Variants in PPP1CC observed in about 807,000 individuals in gnomAD.
PPP1CC encodes protein phosphatase 1 catalytic subunit gamma, also known as serine/threonine-protein phosphatase PP1-gamma catalytic subunit.
Under a neutral mutation model 38.4 loss-of-function variants are expected in PPP1CC, and 16 were observed. That is an observed-to-expected ratio of 0.42 (90% CI 0.28 to 0.63). PPP1CC has a LOEUF of 0.63. Among genes scored for constraint, PPP1CC ranks in the 30% least tolerant of loss-of-function variants. The pLI is 0.25. For synonymous variants in PPP1CC, 158 were observed against 136.0 expected (o/e 1.16, Z -1.13); for missense variants, 170 against 391.3 (o/e 0.43, Z 4.77).
downstream of PPP1CC, among the ~76,000 whole-genome samples, chr12:110,716,896 G>T (rs913284875): frequency 3.3e-5 from 5 of 152,208 alleles, no homozygotes; most frequent in Non-Finnish European, 5.9e-5. Context: ...CACTAATTCA[G>T]GGATGCACTA....
intron 4 of PPP1CC, among the ~76,000 whole-genome samples, chr12:110,723,817 A>T (rs2069765525): frequency 6.6e-6 from 1 of 152,194 alleles, no homozygotes; most frequent in South Asian, 2.1e-4. Flanking sequence ...GGCCAAAATA[A>T]CTTTTAAAAT....
chr12:110,731,962 T>A lies in PPP1CC; in HGVS notation c.56-61A>T, dbSNP rs571486128. 1.1e-5 allele frequency: 17 copies of A among 1,571,938 alleles called. No homozygotes were observed. The South Asian group carries it at 2.0e-4, about 18-fold the overall frequency. On this transcript the variant is annotated intron_variant, in intron 1 of 6. Coordinates refer to ENST00000335007, the MANE Select transcript of PPP1CC (RefSeq NM_002710.4). Reference sequence around the variant, plus strand: ...CAAAATACAAAATACAATACGAGATTTAGATAAAGGGGCAAAAACATGGTT... The same window carrying A: ...CAAAATACAAAATACAATACGAGATATAGATAAAGGGGCAAAAACATGGTT...
chr12:110,723,331 T>C (rs886341561), intron 4 of PPP1CC, among the ~76,000 whole-genome samples: 3 of 151,738 alleles, frequency 2.0e-5, no homozygotes, highest in Admixed American at 6.6e-5. Flanking sequence ...TTAAAAACCA[T>C]GTATCCAACT....
chr12:110,717,354 T>G (rs1025874628), downstream of PPP1CC, among the ~76,000 whole-genome samples: 1 of 152,174 alleles, frequency 6.6e-6, no homozygotes, highest in African/African-American at 2.4e-5. Context: ...GGTTGAGTTT[T>G]GGGTCTTTTC....
downstream of PPP1CC, among the ~76,000 whole-genome samples, chr12:110,718,911 TTAA>T (rs2069708850): frequency 6.6e-6 from 1 of 152,092 alleles, no homozygotes; most frequent in Non-Finnish European, 1.5e-5. Context: ...CCAATGTTCC[TTAA>T]GAAAAATTTG....
chr12:110,737,027 T>G (rs1371985131), intron 1 of PPP1CC, among the ~76,000 whole-genome samples: 1 of 152,242 alleles, frequency 6.6e-6, no homozygotes, highest in Non-Finnish European at 1.5e-5. Context: ...CCACATCATA[T>G]TCATTTCAGT....
chr12:110,717,978 C>T (rs191613300), downstream of PPP1CC, among the ~76,000 whole-genome samples: 15 of 152,264 alleles, frequency 9.9e-5, no homozygotes, highest in Non-Finnish European at 1.0e-4. Flanking sequence ...CTTCACTTCC[C>T]AGCAAACTGA....
intron 6 of PPP1CC, 161 bp from the exon 7 acceptor site, chr12:110,721,326 A>G (rs1167793140): frequency 7.1e-6 from 4 of 567,176 alleles, no homozygotes; most frequent in African/African-American, 1.9e-5. Flanking sequence ...TTGAATGTAA[A>G]CATTTGGTAA....
chr12:110,723,132 T>G (rs1275627489), intron 4 of PPP1CC, among the ~76,000 whole-genome samples: 1 of 152,248 alleles, frequency 6.6e-6, no homozygotes, highest in African/African-American at 2.4e-5. Flanking sequence ...CATTAAAATC[T>G]ACAAGAGCTT....
chr12:110,709,968 T>C, the PPP1CC span, among the ~76,000 whole-genome samples: 4 of 139,676 alleles, frequency 2.9e-5, no homozygotes, highest in Non-Finnish European at 6.2e-5. Context: ...ATAATAATAA[T>C]AATAATAAAG....
the PPP1CC span, among the ~76,000 whole-genome samples, chr12:110,714,231 T>C: frequency 6.6e-6 from 1 of 152,112 alleles, no homozygotes; most frequent in African/African-American, 2.4e-5. Context: ...AATGAGTAAT[T>C]TGCACTGCAG....
At chr12:110,721,309 A>G in intron 6 of PPP1CC, 144 bp from the exon 7 acceptor site, 1 of 602,842 alleles carries the variant, frequency 1.7e-6, no homozygotes, top group South Asian at 2.0e-5. Context: ...TATTAACACA[A>G]GCTATGTTGA....
chr12:110,735,916 T>C (rs2069938518), intron 1 of PPP1CC, among the ~76,000 whole-genome samples: 1 of 151,858 alleles, frequency 6.6e-6, no homozygotes, highest in African/African-American at 2.4e-5. Context: ...AATACAAAAA[T>C]TAGCCAGGCG....
chr12:110,721,412 G>A (rs1337211877), intron 6 of PPP1CC: 1 of 359,060 alleles, frequency 2.8e-6, no homozygotes, highest in Non-Finnish European at 5.1e-6. Context: ...ACAATCTTCT[G>A]AAGTCTACAC....
At chr12:110,733,828 A>G (rs905139173) in intron 1 of PPP1CC, among the ~76,000 whole-genome samples, 2 of 152,238 alleles carry the variant, frequency 1.3e-5, no homozygotes, top group Non-Finnish European at 2.9e-5. Context: ...TCCAGAGAAA[A>G]TAAAGATTTG....
intron 1 of PPP1CC, among the ~76,000 whole-genome samples, chr12:110,734,480 A>G (rs758378677): frequency 1.3e-5 from 2 of 152,106 alleles, no homozygotes; most frequent in Non-Finnish European, 2.9e-5. Context: ...AGTACCTGGG[A>G]TTACAGGCAT....
chr12:110,709,062 G>T, the PPP1CC span, among the ~76,000 whole-genome samples: 1 of 151,728 alleles, frequency 6.6e-6, no homozygotes, highest in Non-Finnish European at 1.5e-5. Context: ...CACACACAGA[G>T]AAACAACTAT....
chr12:110,725,914 T>C (rs948408892), intron 3 of PPP1CC: 2 of 152,194 alleles, frequency 1.3e-5, no homozygotes, highest in South Asian at 4.1e-4. Context: ...ATATAAAAAT[T>C]AGCTGGGCGT....
chr12:110,714,511 GGT>G, the PPP1CC span, among the ~76,000 whole-genome samples: 1 of 151,866 alleles, frequency 6.6e-6, no homozygotes, highest in Non-Finnish European at 1.5e-5. Flanking sequence ...GAAGATATGT[GGT>G]GTTTGTAGGT....
Sources: allele counts gnomAD v4.1 joint callset (sites outside exome capture counted in the v4.1 genomes callset), GRCh38; gene constraint gnomAD v4.1.1; transcripts MANE v1.5; gene names NCBI Gene and HGNC (gene_info 2026-07-23, HGNC 2026-07-21).